RYR2: variants seen among roughly 807,000 people sequenced by gnomAD.
RYR2 encodes the protein cardiac muscle ryanodine receptor-calcium release channel.
Under a neutral mutation model 601.1 loss-of-function variants are expected in RYR2, and 227 were observed. The observed-to-expected ratio is 0.38, with a 90% confidence interval of 0.34 to 0.42. The LOEUF is 0.42. Ranked by LOEUF, RYR2 falls within the 10% of genes least tolerant of loss-of-function variation. The pLI is 1.00. For missense variants in RYR2, 4,646 were observed against 6,156.5 expected (o/e 0.75, Z 8.21); for synonymous variants, 2,223 against 2,175.1 (o/e 1.02, Z -0.61).
intron 34 of RYR2, among the ~76,000 whole-genome samples, chr1:237,597,105 A>C (rs1395430630): frequency 6.6e-6 from 1 of 152,174 alleles, no homozygotes; most frequent in East Asian, 1.9e-4. Context: ...CAAACTCAGA[A>C]TACTGCAGTA....
chr1:237,454,650 A>G (rs1658593133), intron 15 of RYR2, 76 bp downstream of exon 15: 2 of 1,466,934 alleles, frequency 1.4e-6, no homozygotes, highest in South Asian at 2.4e-5. Context: ...AAAATTTTCC[A>G]TCTATTTTGA....
chr1:237,302,291 A>G (rs918409167), intron 2 of RYR2, among the ~76,000 whole-genome samples: 3 of 152,188 alleles, frequency 2.0e-5, no homozygotes, highest in Non-Finnish European at 2.9e-5. Flanking sequence ...TCCCTTTACC[A>G]TCACCTTAAT....
intron 16 of RYR2, among the ~76,000 whole-genome samples, chr1:237,460,884 C>G (rs1056813012): frequency 2.0e-5 from 3 of 152,020 alleles, no homozygotes; most frequent in African/African-American, 4.8e-5. Context: ...TATTGTTGTT[C>G]TTCTTATCAT....
At chr1:237,324,201 C>T (rs1026371141) in intron 2 of RYR2, among the ~76,000 whole-genome samples, 3 of 152,130 alleles carry the variant, frequency 2.0e-5, no homozygotes, top group African/African-American at 7.2e-5. Flanking sequence ...GATACAACAC[C>T]ATGGTTTTTT....
intron 1 of RYR2, among the ~76,000 whole-genome samples, chr1:237,105,966 C>A (rs908995417): frequency 1.3e-5 from 2 of 151,744 alleles, no homozygotes; most frequent in Admixed American, 6.6e-5. Flanking sequence ...GCAGAGGGAG[C>A]AGCCAGTGCC....
chr1:237,191,670 C>T (rs1475954522), intron 1 of RYR2, among the ~76,000 whole-genome samples: 1 of 152,126 alleles, frequency 6.6e-6, no homozygotes, highest in Non-Finnish European at 1.5e-5. Flanking sequence ...AAATTGTCTC[C>T]AGCTCGAAAT....
chr1:237,503,909 C>T (rs561020642), intron 22 of RYR2, among the ~76,000 whole-genome samples: 7 of 152,116 alleles, frequency 4.6e-5, no homozygotes, highest in East Asian at 1.9e-4. Context: ...GGTTTCATCA[C>T]GTTGGCCAGG....
intron 2 of RYR2, among the ~76,000 whole-genome samples, chr1:237,285,520 A>T (rs910300446): frequency 1.3e-5 from 2 of 152,144 alleles, no homozygotes; most frequent in African/African-American, 4.8e-5. Context: ...TTTTGGTATT[A>T]GGGTGATACT....
chr1:237,524,145 C>G (rs1667353442), intron 24 of RYR2, among the ~76,000 whole-genome samples: 1 of 152,176 alleles, frequency 6.6e-6, no homozygotes, highest in Admixed American at 6.6e-5. Flanking sequence ...GAGCCAAAAA[C>G]TGGAAACTGT....
intron 15 of RYR2, among the ~76,000 whole-genome samples, chr1:237,456,250 A>G (rs1233024947): frequency 1.3e-5 from 2 of 152,166 alleles, no homozygotes; most frequent in African/African-American, 2.4e-5. Context: ...CTGATATACT[A>G]TATCTTTAAG....
intron 17 of RYR2, among the ~76,000 whole-genome samples, chr1:237,478,193 A>G (rs766060405): frequency 2.0e-5 from 3 of 152,204 alleles, no homozygotes; most frequent in South Asian, 4.1e-4. Context: ...TTCTATTTCT[A>G]TCTTCTTTGC....
intron 92 of RYR2, 27 bp from the exon 93 acceptor site, chr1:237,791,402 C>A (rs765706352): frequency 1.6e-6 from 2 of 1,226,040 alleles, no homozygotes; most frequent in Non-Finnish European, 1.2e-6. Context: ...GATTCAGTGA[C>A]CTTTTCATAA....
chr1:237,350,602 A>AAATATATATATATAT (rs1558665984), intron 3 of RYR2, among the ~76,000 whole-genome samples: 1 of 37,006 alleles, frequency 2.7e-5, no homozygotes, highest in Non-Finnish European at 5.0e-5. Context: ...AAAAAAAAAA[A>AAATATATATATATAT]ATATATATAT....
At chr1:237,147,919 C>A (rs963350729) in intron 1 of RYR2, among the ~76,000 whole-genome samples, 10 of 152,194 alleles carry the variant, frequency 6.6e-5, no homozygotes, top group African/African-American at 2.4e-4. Flanking sequence ...TTAAACAGAC[C>A]TCCACTAGTT....
chr1:237,454,370 A>G (rs1256841244), intron 14 of RYR2, 21 bp from the exon 15 acceptor site: 2 of 1,569,190 alleles, frequency 1.3e-6, no homozygotes, highest in Non-Finnish European at 1.7e-6. Context: ...ACAATAGAGA[A>G]ATGTTTATGG....
chr1:237,390,263 C>T (rs934104811), intron 10 of RYR2, among the ~76,000 whole-genome samples: 1 of 152,132 alleles, frequency 6.6e-6, no homozygotes, highest in Admixed American at 6.6e-5. Flanking sequence ...GCTGTATCTA[C>T]AGACACTGTA....
At chr1:237,078,459 C>CA (rs1665251435) in intron 1 of RYR2, among the ~76,000 whole-genome samples, 1 of 6,142 alleles carries the variant, frequency 1.6e-4, no homozygotes, top group South Asian at 5.3e-3. Context: ...CCACCGATCC[C>CA]ACAGAAATAC....
At chr1:237,216,140 T>C (rs534621713) in intron 1 of RYR2, among the ~76,000 whole-genome samples, 1 of 152,326 alleles carries the variant, frequency 6.6e-6, no homozygotes, top group East Asian at 1.9e-4. Context: ...ATTAATCTAG[T>C]AAAATCATAT....
chr1:237,423,041 C>A, intron 11 of RYR2, 51 bp from the exon 12 acceptor site: 1 of 1,570,014 alleles, frequency 6.4e-7, no homozygotes, highest in Non-Finnish European at 8.6e-7. Flanking sequence ...AATAGCTACT[C>A]CTTCTGTGAT....
Sources: gnomAD v4.1 joint callset for allele counts (sites outside exome capture counted in the v4.1 genomes callset) on GRCh38, gnomAD v4.1.1 for gene constraint, MANE v1.5 for transcripts, NCBI Gene and HGNC (gene_info 2026-07-23, HGNC 2026-07-21) for gene names.